Variants in TRANK1 observed in about 807,000 individuals in gnomAD.
TRANK1 encodes tetratricopeptide repeat and ankyrin repeat containing 1.
Under a neutral mutation model 266.0 loss-of-function variants are expected in TRANK1, and 198 were observed. The ratio of observed to expected loss-of-function variants is 0.74; its 90% CI spans 0.66 to 0.84. TRANK1 has a LOEUF of 0.84. Among genes scored for constraint, TRANK1 ranks in the 40% least tolerant of loss-of-function variants. TRANK1 has a pLI of 0.00. For missense variants in TRANK1, 3,326 were observed against 3,634.6 expected (o/e 0.92, Z 2.18); for synonymous variants, 1,396 against 1,384.1 (o/e 1.01, Z -0.19).
intron 15 of TRANK1, chr3:36,851,366 C>T (rs2078982349): frequency 2.0e-6 from 2 of 1,025,186 alleles, no homozygotes. Flanking sequence ...CATTGCTAAC[C>T]TTGGCTTCAT....
intron 1 of TRANK1, among the ~76,000 whole-genome samples, chr3:36,930,605 G>A (rs1181012059): frequency 6.6e-6 from 1 of 152,140 alleles, no homozygotes; most frequent in African/African-American, 2.4e-5. Flanking sequence ...GTGTGAAAAT[G>A]ATACCACAGC....
intron 9 of TRANK1, 96 bp downstream of exon 9, chr3:36,874,030 A>T: frequency 1.2e-6 from 1 of 805,604 alleles, no homozygotes; most frequent in Non-Finnish European, 1.8e-6. Flanking sequence ...ATGTGTGTGT[A>T]TATATATATA....
At chr3:36,933,281 AG>A (rs1052511364) in intron 1 of TRANK1, among the ~76,000 whole-genome samples, 1 of 152,258 alleles carries the variant, frequency 6.6e-6, no homozygotes, top group African/African-American at 2.4e-5. Flanking sequence ...CACTTGCTTC[AG>A]GAATAAAGGC....
intron 1 of TRANK1, 147 bp downstream of exon 1, chr3:36,944,640 G>A (rs2080546665): frequency 1.1e-6 from 1 of 930,712 alleles, no homozygotes; most frequent in Non-Finnish European, 1.5e-6. Context: ...CACCTAGATG[G>A]CTGTGGGCCC....
rs372030811 is a variant in TRANK1, at chr3:36,851,859, G to T, written c.4750-3C>A. 1 of 1,586,388 alleles carries T rather than the reference G, an allele frequency of 6.3e-7. No individual in the cohort carries two copies. The highest frequency in any genetic ancestry group is 8.6e-7 in the Non-Finnish European group (1 of 1,168,126). ...GTTTCATTGGCCACAAGGATTACCT[G>T]AAGAAAAACAAAAGAACATCAAATT... On this transcript the variant is annotated splice_polypyrimidine_tract_variant and splice_region_variant and intron_variant, in intron 14 of 23. Transcript: ENST00000645898.
intron 4 of TRANK1, 35 bp downstream of exon 4, chr3:36,899,074 G>C: frequency 6.5e-7 from 1 of 1,534,238 alleles, no homozygotes; most frequent in East Asian, 2.4e-5. Context: ...AAAATAGCAA[G>C]GACTTTACAA....
chr3:36,856,742 G>A lies in TRANK1; in HGVS notation c.2980C>T (p.Arg994Cys), dbSNP rs770502224. 1.1e-5 allele frequency: 17 copies of A among 1,613,882 alleles called. No individual in the cohort carries two copies. Among genetic ancestry groups the A allele is most frequent in the South Asian group, 2.2e-5 (2 of 91,084 alleles). Reference sequence around the variant, plus strand: ...GCCTCTGTGTCCTCCACATAGCAGCGAGGTATACGCTTTTGAATTTTCATG... The same window carrying A: ...GCCTCTGTGTCCTCCACATAGCAGCAAGGTATACGCTTTTGAATTTTCATG... ...ANMKIQKRIP[R>C]CYVEDTEAEK... Residue 994 changes from arginine to cysteine, a missense_variant, in exon 13 of 24, where the codon CGC becomes TGC. By Grantham distance (180) the Arg-to-Cys change is radical. Coordinates refer to ENST00000645898, the MANE Select transcript of TRANK1 (RefSeq NM_001329998.2).
chr3:36,847,441 G>A, intron 15 of TRANK1, 95 bp from the exon 16 acceptor site: 1 of 1,393,600 alleles, frequency 7.2e-7, no homozygotes, highest in Non-Finnish European at 9.8e-7. Flanking sequence ...GCCTCATCGG[G>A]GGACCAGGCC....
chr3:36,845,301 CCTTACTATCTGAACTATCGGTT>C (rs1263722480), intron 17 of TRANK1, among the ~76,000 whole-genome samples: 1 of 152,168 alleles, frequency 6.6e-6, no homozygotes, highest in African/African-American at 2.4e-5. Flanking sequence ...CTGATTAATT[CCTTACTATCTGAACTATCGGTT>C]CTTACTATCT....
At position 36,858,875 on chromosome 3, in the gene TRANK1, C is replaced by G. The variant is rs1395989945; in HGVS notation, c.1515G>C (p.Gln505His). Residue 505 changes from glutamine (Q) to histidine (H), a missense_variant, in exon 12 of 24, where the codon CAG becomes CAC. Gln to His is a conservative substitution (Grantham distance 24). Transcript: ENST00000645898. ...TGACAACTGGCCTCTCCTGGCTCTC[C>G]TGAAGACCATCAGGCAAGGCTGGGA... ...IDSGALPDGL[Q>H]ESQERPVVTC... 6.5e-7 allele frequency: 1 copy of G among 1,536,356 alleles called. No individual in the cohort carries two copies. Among genetic ancestry groups the G allele is most frequent in the African/African-American group, 1.4e-5 (1 of 73,134 alleles).
intron 5 of TRANK1, among the ~76,000 whole-genome samples, chr3:36,895,276 C>A (rs1251219772): frequency 6.6e-6 from 1 of 152,100 alleles, no homozygotes; most frequent in East Asian, 1.9e-4. Flanking sequence ...ACATGGGAAC[C>A]CTTGTGAGCA....
intron 1 of TRANK1, among the ~76,000 whole-genome samples, chr3:36,927,465 A>G (rs1410718365): frequency 6.6e-6 from 1 of 152,176 alleles, no homozygotes; most frequent in African/African-American, 2.4e-5. Context: ...ATCACCAGAC[A>G]CCTGCAAGTT....
intron 17 of TRANK1, among the ~76,000 whole-genome samples, chr3:36,843,602 C>T (rs1160462813): frequency 6.6e-6 from 1 of 151,580 alleles, no homozygotes; most frequent in African/African-American, 2.4e-5. Flanking sequence ...CACCTGCATC[C>T]CCCAGAGTAT....
At chr3:36,870,430 G>T (rs2079290917) in intron 9 of TRANK1, among the ~76,000 whole-genome samples, 1 of 151,630 alleles carries the variant, frequency 6.6e-6, no homozygotes, top group Non-Finnish European at 1.5e-5. Context: ...AAGAGAGAGA[G>T]AGAGAGAGAG....
At chr3:36,936,791 T>C (rs1223065801) in intron 1 of TRANK1, among the ~76,000 whole-genome samples, 4 of 151,934 alleles carry the variant, frequency 2.6e-5, no homozygotes, top group Admixed American at 2.0e-4. Context: ...GCCAGGAAAA[T>C]GCTCAAGAAA....
chr3:36,884,617 A>G (rs2079575650), intron 8 of TRANK1, among the ~76,000 whole-genome samples: 1 of 152,208 alleles, frequency 6.6e-6, no homozygotes, highest in Admixed American at 6.5e-5. Flanking sequence ...GGGAGAAGGA[A>G]CAGCTCTTCA....
chr3:36,922,780 GAA>G (rs531701807), intron 1 of TRANK1, among the ~76,000 whole-genome samples: 14 of 110,132 alleles, frequency 1.3e-4, no homozygotes, highest in Non-Finnish European at 1.6e-4. Flanking sequence ...TGTCTCAAAA[GAA>G]AAAAAAAAAA....
chr3:36,924,392 T>C (rs1406484152), intron 1 of TRANK1, among the ~76,000 whole-genome samples: 1 of 152,146 alleles, frequency 6.6e-6, no homozygotes, highest in East Asian at 1.9e-4. Context: ...GTGGCACCGC[T>C]CCCAAGCAGC....
In TRANK1 at chr3:36,857,600, C is replaced by G. The variant is rs540684908; in HGVS notation, c.2122G>C (p.Glu708Gln). 11 of 1,614,064 alleles carry G rather than the reference C, an allele frequency of 6.8e-6. No homozygotes were observed. In the Admixed American group the frequency reaches 1.7e-4, roughly 24 times the overall value. The change falls in exon 13 of 24, where the codon GAG becomes CAG. Residue 708 changes from glutamate to glutamine, a missense_variant. Physicochemically the swap from Glu to Gln is conservative, Grantham distance 29. Transcript: ENST00000645898. This position sits in a 1 kb window ranked among gnomAD's most constrained non-coding sequence, Gnocchi z 4.3. ...GTCACCTGGGTACCTGGGAGAGTCT[C>G]CCAGCTGTCAGGGACTGCACTTCCT... ...PEGSAVPDSW[E>Q]TLPGTQVTRK...
Sources: gnomAD v4.1 joint callset for allele counts (sites outside exome capture counted in the v4.1 genomes callset) on GRCh38, gnomAD v4.1.1 for gene constraint, Gnocchi (gnomAD v3.1) non-coding constraint, MANE v1.5 for transcripts, NCBI Gene and HGNC (gene_info 2026-07-23, HGNC 2026-07-21) for gene names.